Variants in CMTM8 observed in about 807,000 individuals in gnomAD.
CMTM8 encodes the protein CKLF like MARVEL transmembrane domain containing 8.
CMTM8 carries 12 observed loss-of-function variants against 18.6 expected under a neutral mutation model. The observed-to-expected ratio is 0.65, with a 90% CI of 0.41 to 1.05. The LOEUF is 1.05. Among genes scored for constraint, CMTM8 ranks in the 50% least tolerant of loss-of-function variants. The pLI is 0.00. For missense variants in CMTM8, 217 were observed against 227.2 expected (o/e 0.95, Z 0.29); for synonymous variants, 87 against 90.6 (o/e 0.96, Z 0.23).
rs531922781 is a variant in CMTM8, at chr3:32,308,174, A to G, written c.148-49199A>G. 3.9e-5 allele frequency among the ~76,000 whole-genome samples: 6 copies of G among 152,336 alleles called. No individual in the cohort carries two copies. The South Asian group carries it at 8.3e-4, about 21-fold the overall frequency. ...ACCTCCTTCGCACTCTACCGACTCCATGTCTCTAATTTAGCACAGGGAGGC... is the reference window on the plus strand; with the variant it reads ...ACCTCCTTCGCACTCTACCGACTCCGTGTCTCTAATTTAGCACAGGGAGGC... On this transcript the variant is annotated intron_variant, in intron 1 of 3. Transcript: ENST00000307526.
intron 1 of CMTM8, among the ~76,000 whole-genome samples, chr3:32,301,242 A>C (rs1456588188): frequency 6.6e-6 from 1 of 151,972 alleles, no homozygotes; most frequent in Non-Finnish European, 1.5e-5. Flanking sequence ...TGTGCCATCC[A>C]CCTTTGAGCC....
At chr3:32,270,374 A>G (rs1407749017) in intron 1 of CMTM8, among the ~76,000 whole-genome samples, 1 of 152,248 alleles carries the variant, frequency 6.6e-6, no homozygotes, top group East Asian at 1.9e-4. Flanking sequence ...TACTGGGTAT[A>G]TACCCAAAGG....
chr3:32,246,831 G>A (rs780253413), intron 1 of CMTM8, among the ~76,000 whole-genome samples: 4 of 152,234 alleles, frequency 2.6e-5, no homozygotes, highest in Non-Finnish European at 5.9e-5. Context: ...GCTGGGCATA[G>A]TGGCTCATGC....
chr3:32,256,871 C>T (rs1702179695), intron 1 of CMTM8, among the ~76,000 whole-genome samples: 1 of 152,212 alleles, frequency 6.6e-6, no homozygotes, highest in African/African-American at 2.4e-5. Flanking sequence ...TAATGTTTGT[C>T]AGAGGGCTAG....
At chr3:32,274,939 C>T (rs1314215111) in intron 1 of CMTM8, among the ~76,000 whole-genome samples, 1 of 152,196 alleles carries the variant, frequency 6.6e-6, no homozygotes, top group Admixed American at 6.5e-5. Flanking sequence ...GTTTGTCCTT[C>T]TTAGTACCAT....
At chr3:32,241,697 ATTG>A (rs894311681) in intron 1 of CMTM8, among the ~76,000 whole-genome samples, 1 of 152,198 alleles carries the variant, frequency 6.6e-6, no homozygotes, top group African/African-American at 2.4e-5. Context: ...ATGTAACCTC[ATTG>A]TTAAGTCAAG....
intron 1 of CMTM8, among the ~76,000 whole-genome samples, chr3:32,317,522 A>G (rs1408319369): frequency 6.6e-6 from 1 of 152,222 alleles, no homozygotes; most frequent in African/African-American, 2.4e-5. Context: ...CCTAAACTTT[A>G]TGAAAGTCAG....
chr3:32,292,617 G>A (rs1702799353), intron 1 of CMTM8, among the ~76,000 whole-genome samples: 1 of 151,948 alleles, frequency 6.6e-6, no homozygotes, highest in Non-Finnish European at 1.5e-5. Context: ...ATAAACAAAG[G>A]ATACTGTTTA....
At chr3:32,310,037 A>G (rs1242806434) in intron 1 of CMTM8, among the ~76,000 whole-genome samples, 1 of 152,214 alleles carries the variant, frequency 6.6e-6, no homozygotes, top group Non-Finnish European at 1.5e-5. Flanking sequence ...GAAAAGAGGA[A>G]GCAAATTAAG....
intron 1 of CMTM8, among the ~76,000 whole-genome samples, chr3:32,246,272 G>A (rs938808764): frequency 9.2e-5 from 14 of 152,130 alleles, no homozygotes; most frequent in African/African-American, 3.1e-4. Context: ...CCCACTGGCC[G>A]CATCTACTGG....
chr3:32,366,945 A>G (rs1049699268), intron 2 of CMTM8, among the ~76,000 whole-genome samples: 2 of 152,216 alleles, frequency 1.3e-5, no homozygotes, highest in South Asian at 2.1e-4. Flanking sequence ...CGACAGGAAC[A>G]TACAACCTCT....
intron 1 of CMTM8, among the ~76,000 whole-genome samples, chr3:32,282,752 C>G (rs992175178): frequency 6.6e-6 from 1 of 152,292 alleles, no homozygotes; most frequent in Admixed American, 6.5e-5. Flanking sequence ...ATGGGTTCCT[C>G]CCTTACCTCT....
intron 2 of CMTM8, among the ~76,000 whole-genome samples, chr3:32,359,127 T>TA (rs1696870095): frequency 1.3e-5 from 2 of 152,176 alleles, no homozygotes; most frequent in African/African-American, 4.8e-5. Context: ...AATTTCTAGT[T>TA]ATGTTATCTA....
chr3:32,281,843 T>A (rs1184916895), intron 1 of CMTM8, among the ~76,000 whole-genome samples: 1 of 152,148 alleles, frequency 6.6e-6, no homozygotes, highest in Non-Finnish European at 1.5e-5. Context: ...CCTTTAAATA[T>A]CTTATTTTCT....
intron 1 of CMTM8, among the ~76,000 whole-genome samples, chr3:32,279,178 T>TA (rs1553603392): frequency 9.6e-5 from 8 of 83,316 alleles, no homozygotes; most frequent in African/African-American, 2.6e-4. Context: ...TTTTTTTTTT[T>TA]AATTTTTTTT....
chr3:32,276,389 G>T (rs1466194636), intron 1 of CMTM8, among the ~76,000 whole-genome samples: 3 of 152,136 alleles, frequency 2.0e-5, no homozygotes. Context: ...TATTCTCATT[G>T]TGCAACAGCA....
Position 32,265,311 on chromosome 3 carries a change from G to A in CMTM8, c.147+26192G>A, listed in dbSNP as rs1309910669. ...AGAATTAGGAAACTCACTCAAAACCGCTCAACTACATGGAAACTGAACAAC... is the reference window on the plus strand; with the variant it reads ...AGAATTAGGAAACTCACTCAAAACCACTCAACTACATGGAAACTGAACAAC... On this transcript the variant is annotated intron_variant, in intron 1 of 3. Coordinates refer to ENST00000307526, the MANE Select transcript of CMTM8 (RefSeq NM_178868.5). 3.9e-5 allele frequency among the ~76,000 whole-genome samples: 6 copies of A among 152,094 alleles called. No homozygotes were observed. The East Asian group carries it at 5.8e-4, about 15-fold the overall frequency.
chr3:32,363,228 C>G (rs1180465643), intron 2 of CMTM8, among the ~76,000 whole-genome samples: 2 of 152,124 alleles, frequency 1.3e-5, no homozygotes, highest in Non-Finnish European at 2.9e-5. Context: ...AGTAAGTCAC[C>G]TGTTCTATAA....
At chr3:32,292,985 AATAG>A (rs1483096429) in intron 1 of CMTM8, among the ~76,000 whole-genome samples, 3 of 152,166 alleles carry the variant, frequency 2.0e-5, no homozygotes, top group African/African-American at 7.2e-5. Flanking sequence ...TCCATATCCT[AATAG>A]ATAGATATAT....
Sources: gnomAD v4.1 joint callset for allele counts (sites outside exome capture counted in the v4.1 genomes callset) on GRCh38, gnomAD v4.1.1 for gene constraint, MANE v1.5 for transcripts, NCBI Gene and HGNC (gene_info 2026-07-23, HGNC 2026-07-21) for gene names.